Variants in BDNF observed in about 807,000 individuals in gnomAD.
The protein encoded by BDNF is neurotrophic factor BDNF precursor form.
Under a neutral mutation model 19.5 loss-of-function variants are expected in BDNF, and 1 was observed. The ratio of observed to expected loss-of-function variants is 0.05; its 90% CI spans 0.02 to 0.24. The LOEUF is 0.24. Ranked by LOEUF, BDNF falls within the 10% of genes least tolerant of loss-of-function variation. The pLI is 1.00. For missense variants in BDNF, 195 were observed against 317.6 expected (o/e 0.61, Z 2.93); for synonymous variants, 100 against 121.6 (o/e 0.82, Z 1.17).
intron 1 of BDNF, among the ~76,000 whole-genome samples, chr11:27,696,719 AC>A (rs1392105934): frequency 1.3e-5 from 2 of 152,208 alleles, no homozygotes; most frequent in African/African-American, 4.8e-5. Context: ...GTTAGCAATT[AC>A]CCTATAAAAG....
Position 27,657,973 on chromosome 11 carries a change from C to T in BDNF, c.592G>A (p.Gly198Ser). 1 of 1,614,122 alleles carries T rather than the reference C, an allele frequency of 6.2e-7. No homozygotes were observed. The highest frequency in any genetic ancestry group is 8.5e-7 in the Non-Finnish European group (1 of 1,180,020). Reference protein sequence around the residue: ...PMGYTKEGCRGIDKRHWNSQC... With the variant: ...PMGYTKEGCRSIDKRHWNSQC... ...GAGTTCCAATGCCTTTTGTCTATGC[C>T]CCTGCAGCCTTCTTTTGTGTAACCC... Residue 198 changes from glycine (G) to serine (S), a missense_variant, in exon 2 of 2, where the codon GGC becomes AGC. Gly to Ser is a moderately conservative substitution (Grantham distance 56, BLOSUM62 0). Around this residue, in one of 2 missense-constraint regions of BDNF, gnomAD observed 71 missense variants for 162.6 expected, o/e 0.44. Coordinates refer to ENST00000356660, the MANE Select transcript of BDNF (RefSeq NM_001709.5). This position sits in a 1 kb window ranked among gnomAD's most constrained non-coding sequence, Gnocchi z 5.0.
At chr11:27,705,056 G>A (rs1024759797), upstream of BDNF, among the ~76,000 whole-genome samples, 10 of 152,134 alleles carry the variant, frequency 6.6e-5, no homozygotes, top group Admixed American at 5.9e-4. Flanking sequence ...AAGAAAAACG[G>A]CATAGAAACC....
In BDNF at chr11:27,655,201, A is replaced by C. The variant is rs1224518101; in HGVS notation, c.*2620T>G. 6.6e-6 allele frequency: 1 copy of C among 152,484 alleles called. No homozygotes were observed. The highest frequency in any genetic ancestry group is 6.5e-5 in the Admixed American group (1 of 15,292). The allele number at this position is 152,484 out of a possible 1,614,324, so 9.4% of individuals were successfully genotyped here. Reference sequence around the variant, plus strand: ...ACAGGCCTGCTGCCATGCATGAAACACTTCTGCCACAAAGAGACCACAGCA... The same window carrying C: ...ACAGGCCTGCTGCCATGCATGAAACCCTTCTGCCACAAAGAGACCACAGCA... On this transcript the variant is annotated 3_prime_UTR_variant, in exon 2 of 2. Coordinates refer to ENST00000356660, the MANE Select transcript of BDNF (RefSeq NM_001709.5).
At chr11:27,677,843 T>C (rs895292142) in intron 1 of BDNF, 2 of 152,158 alleles carry the variant, frequency 1.3e-5, no homozygotes, top group South Asian at 2.1e-4. Flanking sequence ...CACAAGACAA[T>C]CTCCAAATCT....
Position 27,655,530 on chromosome 11 carries a change from T to G in BDNF, c.*2291A>C, listed in dbSNP as rs1408924901. ...CCAAGCATTCCTTACATATTAAAAA[T>G]AATTACAAAGATAATATTTTCAAAC... is the stretch of plus-strand genomic sequence containing the variant. On this transcript the variant is annotated 3_prime_UTR_variant, in exon 2 of 2. Coordinates refer to ENST00000356660, the MANE Select transcript of BDNF (RefSeq NM_001709.5). The G allele has an allele frequency of 6.6e-6, 1 of 152,196 alleles. No homozygotes were observed. The highest frequency in any genetic ancestry group is 1.5e-5 in the Non-Finnish European group (1 of 68,028). The allele number at this position is 152,196 out of a possible 1,614,324, so 9.4% of individuals were successfully genotyped here.
Position 27,657,788 on chromosome 11 carries a change from T to C in BDNF, c.*33A>G. 1.2e-6 allele frequency: 2 copies of C among 1,608,892 alleles called. No individual in the cohort carries two copies. ...TATATACAAATAGATAATTTTTGTC[T>C]CAATATAATCTAATCTATACAACAT... is the stretch of plus-strand genomic sequence containing the variant. On this transcript the variant is annotated 3_prime_UTR_variant, in exon 2 of 2. Coordinates refer to ENST00000356660, the MANE Select transcript of BDNF (RefSeq NM_001709.5). This position sits in a 1 kb window ranked among gnomAD's most constrained non-coding sequence, Gnocchi z 5.0.
At chr11:27,720,490 A>C (rs950657267) in intron 1 of BDNF, 2 of 985,796 alleles carry the variant, frequency 2.0e-6, no homozygotes, top group African/African-American at 3.5e-5. Flanking sequence ...CAGCGAGCTC[A>C]ATGAGGGGAC....
In BDNF at chr11:27,657,509, A is replaced by G; in HGVS notation, c.*312T>C. ...AGAGGACAGTTTATTATCAATTCAC[A>G]ATTAAAGCAGCATGCAATTTATTAT... On this transcript the variant is annotated 3_prime_UTR_variant, in exon 2 of 2. Coordinates refer to ENST00000356660, the MANE Select transcript of BDNF (RefSeq NM_001709.5). The surrounding 1 kb of genome is among the most constrained non-coding windows in gnomAD (Gnocchi z 5.0). 8.9e-7 allele frequency: 1 copy of G among 1,127,600 alleles called. No homozygotes were observed. The highest frequency in any genetic ancestry group is 1.1e-6 in the Non-Finnish European group (1 of 917,730). 69.8% of individuals were successfully genotyped at this position (1,127,600 alleles called of 1,614,324 possible).
At chr11:27,708,289 A>G (rs1860189829) in intron 1 of BDNF, among the ~76,000 whole-genome samples, 1 of 152,220 alleles carries the variant, frequency 6.6e-6, no homozygotes. Context: ...CAGATTGTGG[A>G]TGTAGATCAT....
chr11:27,688,778 CT>C (rs1310209327), intron 1 of BDNF, among the ~76,000 whole-genome samples: 11 of 152,308 alleles, frequency 7.2e-5, no homozygotes, highest in Admixed American at 3.9e-4. Flanking sequence ...AGCCCGGTAC[CT>C]CAGTTGGAAA....
At chr11:27,662,662 C>T (rs183092941) in intron 1 of BDNF, among the ~76,000 whole-genome samples, 5 of 152,326 alleles carry the variant, frequency 3.3e-5, no homozygotes, top group Admixed American at 1.3e-4. Context: ...ATAAGGAGCA[C>T]ACAACCTAGA....
chr11:27,674,501 G>A (rs368655717), intron 1 of BDNF: 3 of 985,216 alleles, frequency 3.0e-6, no homozygotes, highest in Non-Finnish European at 3.6e-6. Flanking sequence ...CAGGCCCTGT[G>A]CATAATGAGC....
At position 27,657,555 on chromosome 11, in the gene BDNF, T is replaced by A; in HGVS notation, c.*266A>T. Reference sequence around the variant, plus strand: ...ATTATTTTTTTTAACTTTTTATGTTTTCAGTTCTTGGCAACGGCAACAAAC... The same window carrying A: ...ATTATTTTTTTTAACTTTTTATGTTATCAGTTCTTGGCAACGGCAACAAAC... On this transcript the variant is annotated 3_prime_UTR_variant, in exon 2 of 2. Coordinates refer to ENST00000356660, the MANE Select transcript of BDNF (RefSeq NM_001709.5). The surrounding 1 kb of genome is among the most constrained non-coding windows in gnomAD (Gnocchi z 5.0). The A allele has an allele frequency of 8.2e-7, 1 of 1,222,758 alleles. No homozygotes were observed. The highest frequency in any genetic ancestry group is 1.0e-6 in the Non-Finnish European group (1 of 978,686). The allele number at this position is 1,222,758 out of a possible 1,614,324, so 75.7% of individuals were successfully genotyped here.
Position 27,718,362 on chromosome 11 carries a change from C to A in BDNF, c.3+3050G>T, listed in dbSNP as rs544158214. ...TCCCCGTTCCGCACACCACCCCCCC[C>A]CGCCCCTCCCGGGATTTTGCAATAA... On this transcript the variant is annotated intron_variant, in intron 1 of 1. Coordinates refer to the BDNF transcript ENST00000314915. Among the ~76,000 whole-genome samples, 5 of 145,086 alleles carry A rather than the reference C, an allele frequency of 3.4e-5. 1 individual carries two copies. Among genetic ancestry groups the A allele is most frequent in the Admixed American group, 6.8e-5 (1 of 14,606 alleles).
At position 27,656,612 on chromosome 11, in the gene BDNF, A is replaced by G; in HGVS notation, c.*1209T>C. ...CCACATAGCCTCCATTTGGCTGTTC[A>G]GTCTCATGTCACTGGCAATGTGGAT... On this transcript the variant is annotated 3_prime_UTR_variant, in exon 2 of 2. Coordinates refer to ENST00000356660, the MANE Select transcript of BDNF (RefSeq NM_001709.5). The G allele has an allele frequency of 1.0e-6, 1 of 985,798 alleles. No individual in the cohort carries two copies. The highest frequency in any genetic ancestry group is 1.2e-6 in the Non-Finnish European group (1 of 829,938). The allele number at this position is 985,798 out of a possible 1,614,324, so 61.1% of individuals were successfully genotyped here.
At chr11:27,684,860 A>T (rs4333984) in intron 1 of BDNF, among the ~76,000 whole-genome samples, 3 of 152,280 alleles carry the variant, frequency 2.0e-5, no homozygotes, top group African/African-American at 7.2e-5. Flanking sequence ...CTACAATTTT[A>T]TTTTTTTGCT....
chr11:27,696,842 A>G (rs1317657457), intron 1 of BDNF, among the ~76,000 whole-genome samples: 1 of 152,174 alleles, frequency 6.6e-6, no homozygotes, highest in Non-Finnish European at 1.5e-5. Context: ...TCAAATCCAT[A>G]TTATGGGCAC....
chr11:27,700,520 GCCCCCCCCCCCCCGC>G (rs1169568990), upstream of BDNF: 35 of 736,020 alleles, frequency 4.8e-5, no homozygotes, highest in Admixed American at 2.8e-4. Context: ...AAACGGCGCC[GCCCCCCCCCCCCCGC>G]CCCCCGCCCC....
rs79642557 is a variant in BDNF, at chr11:27,656,867, G to A, written c.*954C>T. On this transcript the variant is annotated 3_prime_UTR_variant, in exon 2 of 2. Coordinates refer to ENST00000356660, the MANE Select transcript of BDNF (RefSeq NM_001709.5). Reference sequence around the variant, plus strand: ...CGAGTGTCATGATGTGACACAATGTGTTCACTTGTTCACAGCAGTGGTAAA... The same window carrying A: ...CGAGTGTCATGATGTGACACAATGTATTCACTTGTTCACAGCAGTGGTAAA... 1.3e-3 allele frequency: 1,242 copies of A among 985,060 alleles called. 50 individuals carry two copies. The East Asian group carries it at 0.11, about 84-fold the overall frequency. 61.0% of individuals were successfully genotyped at this position (985,060 alleles called of 1,614,324 possible). A position where few individuals can be genotyped will look rare whatever the true frequency, so the allele number is the denominator to read the frequency against.
Sources: gnomAD v4.1 joint callset for allele counts (sites outside exome capture counted in the v4.1 genomes callset) on GRCh38, gnomAD v4.1.1 for gene constraint, gnomAD v4.1.1 regional missense constraint, Gnocchi (gnomAD v3.1) non-coding constraint, MANE v1.5 for transcripts, NCBI Gene and HGNC (gene_info 2026-07-23, HGNC 2026-07-21) for gene names.